Variants in HK1 observed in about 807,000 individuals in gnomAD.
HK1 encodes hexokinase 1, also known as hexokinase-1.
In HK1, 28 loss-of-function variants were observed where a neutral mutation model predicts 91.6. The observed-to-expected ratio is 0.31, with a 90% confidence interval of 0.23 to 0.42. HK1 has a LOEUF of 0.42. Ranked by LOEUF, HK1 falls within the 10% of genes least tolerant of loss-of-function variation. The pLI is 1.00. For synonymous variants in HK1, 430 were observed against 468.1 expected, an observed-to-expected ratio of 0.92 and a Z score of 1.05; for missense variants, 770 against 1,219.8, an observed-to-expected ratio of 0.63 and a Z score of 5.49.
At chr10:69,350,324 G>A (rs980540425) in intron 2 of HK1, among the ~76,000 whole-genome samples, 1 of 152,204 alleles carries the variant, frequency 6.6e-6, no homozygotes, top group Admixed American at 6.5e-5. Flanking sequence ...CTAAAGAGAT[G>A]CTGGACATCC....
chr10:69,289,043 C>T (rs947613421), intron 3 of HK1, among the ~76,000 whole-genome samples: 1 of 152,168 alleles, frequency 6.6e-6, no homozygotes, highest in African/African-American at 2.4e-5. Flanking sequence ...ACCTCGGCCT[C>T]CCAAAGTGCT....
chr10:69,299,690 C>T (rs934870361), intron 4 of HK1, among the ~76,000 whole-genome samples: 3 of 150,018 alleles, frequency 2.0e-5, no homozygotes, highest in African/African-American at 7.5e-5. Flanking sequence ...GAGATGGAGT[C>T]TCACTCTGTT....
chr10:69,313,196 C>G (rs1183650484), upstream of HK1, among the ~76,000 whole-genome samples: 1 of 152,166 alleles, frequency 6.6e-6, no homozygotes, highest in Non-Finnish European at 1.5e-5. Context: ...CCGGTAAATT[C>G]CCATTATTAG....
At chr10:69,286,090 G>A (rs922143894) in intron 2 of HK1, among the ~76,000 whole-genome samples, 20 of 152,168 alleles carry the variant, frequency 1.3e-4, no homozygotes, top group African/African-American at 4.3e-4. Context: ...AACTAGACTC[G>A]GGAAGTTGCC....
intron 1 of HK1, among the ~76,000 whole-genome samples, chr10:69,330,259 G>C (rs1320450738): frequency 1.3e-5 from 2 of 152,212 alleles, no homozygotes; most frequent in Non-Finnish European, 2.9e-5. Flanking sequence ...GGCTACTGCT[G>C]TGATAAAGAC....
intron 16 of HK1, among the ~76,000 whole-genome samples, 199 bp from the exon 17 acceptor site, chr10:69,398,396 T>G (rs555797496): frequency 6.6e-6 from 1 of 152,258 alleles, no homozygotes; most frequent in African/African-American, 2.4e-5. Context: ...GATGTTGAGA[T>G]AGTGAATGGT....
At chr10:69,388,656 C>T (rs1839758901) in intron 13 of HK1, among the ~76,000 whole-genome samples, 1 of 152,178 alleles carries the variant, frequency 6.6e-6, no homozygotes, top group Non-Finnish European at 1.5e-5. Context: ...TTAGATCAAC[C>T]TCATTCTTTT....
At position 69,389,274 on chromosome 10, in the gene HK1, C is replaced by T. The variant is rs1338274077; in HGVS notation, c.2013C>T (p.Thr671=). 4.3e-6 allele frequency: 7 copies of T among 1,611,524 alleles called. No homozygotes were observed. The highest frequency in any genetic ancestry group is 1.3e-5 in the African/African-American group (1 of 74,896). The part of the protein sequence containing the change: ...TMMTCAYEEP[T]CEVGLIVGTG... The stretch of plus-strand genomic sequence containing the variant: ...TGACCTGTGCTTATGAGGAGCCCAC[C>T]TGTGAGGTTGGACTCATTGTTGGTG... The change falls in exon 14 of 18, where the codon ACC becomes ACT. Residue 671 remains threonine (T), a synonymous_variant. Transcript: ENST00000359426.
At chr10:69,275,274 A>T (rs1368911396) in intron 1 of HK1, among the ~76,000 whole-genome samples, 1 of 151,580 alleles carries the variant, frequency 6.6e-6, no homozygotes, top group Non-Finnish European at 1.5e-5. Flanking sequence ...TAATCTCAGT[A>T]CTTTGGGAGG....
chr10:69,382,425 C>T, intron 9 of HK1, 62 bp from the exon 10 acceptor site: 1 of 1,522,510 alleles, frequency 6.6e-7, no homozygotes, highest in Non-Finnish European at 9.1e-7. Context: ...GAAAGGGTGG[C>T]CGGAGGTCCC....
At chr10:69,386,019 C>T (rs1254194711) in intron 12 of HK1, among the ~76,000 whole-genome samples, 1 of 152,204 alleles carries the variant, frequency 6.6e-6, no homozygotes, top group Non-Finnish European at 1.5e-5. Context: ...GGCTTGGAAT[C>T]GGGTGATCTG....
At chr10:69,299,981 G>A (rs1364112868) in intron 4 of HK1, among the ~76,000 whole-genome samples, 1 of 149,878 alleles carries the variant, frequency 6.7e-6, no homozygotes, top group African/African-American at 2.5e-5. Flanking sequence ...TTTTTTTTCA[G>A]TAGAGACAGG....
chr10:69,270,743 T>C (rs1844115176), intron 1 of HK1, among the ~76,000 whole-genome samples: 1 of 152,214 alleles, frequency 6.6e-6, no homozygotes, highest in Non-Finnish European at 1.5e-5. Context: ...AGTGAGTTCA[T>C]TCTCATTTGT....
intron 3 of HK1, chr10:69,292,407 G>A: frequency 2.3e-6 from 1 of 434,362 alleles, no homozygotes; most frequent in Non-Finnish European, 4.6e-6. Context: ...GACAAGAAGT[G>A]CTGGAAAGAT....
intron 9 of HK1, 79 bp from the exon 10 acceptor site, chr10:69,382,408 G>A: frequency 2.1e-6 from 3 of 1,406,208 alleles, no homozygotes; most frequent in Non-Finnish European, 3.0e-6. Flanking sequence ...GTTAAAGAGT[G>A]GAGAAAGAAA....
chr10:69,271,863 CT>C (rs112633140), intron 1 of HK1, among the ~76,000 whole-genome samples: 225 of 150,136 alleles, frequency 1.5e-3, no homozygotes, highest in African/African-American at 5.0e-3. Context: ...TGTGATTTCT[CT>C]TTTTTTTTCT....
chr10:69,376,147 G>A (rs984582038), intron 7 of HK1, among the ~76,000 whole-genome samples: 9 of 152,168 alleles, frequency 5.9e-5, no homozygotes, highest in African/African-American at 1.9e-4. Context: ...CGGAGAAGCT[G>A]TTTACCCTTT....
At chr10:69,295,684 A>T in intron 4 of HK1, 1 of 1,585,184 alleles carries the variant, frequency 6.3e-7, no homozygotes. Context: ...AAGTGAGGTA[A>T]GAAAGCTATT....
intron 3 of HK1, among the ~76,000 whole-genome samples, chr10:69,293,747 G>A (rs747337463): frequency 3.9e-5 from 6 of 152,046 alleles, no homozygotes; most frequent in Non-Finnish European, 8.8e-5. Context: ...TGGGCCATGT[G>A]CCACACATGT....
Sources: allele counts gnomAD v4.1 joint callset (sites outside exome capture counted in the v4.1 genomes callset), GRCh38; gene constraint gnomAD v4.1.1; transcripts MANE v1.5; gene names NCBI Gene and HGNC (gene_info 2026-07-23, HGNC 2026-07-21).